The following RAB19 variants were observed in gnomAD, a reference collection of about 807,000 sequenced individuals.
The protein encoded by RAB19 is RAB19, member RAS oncogene family.
In RAB19, 21 loss-of-function variants were observed where a neutral mutation model predicts 17.3. The ratio of observed to expected loss-of-function variants is 1.21; its 90% confidence interval spans 0.86 to 1.74. RAB19 has a LOEUF of 1.74. RAB19 is among the 40% of genes most tolerant of loss of function. The pLI, the probability that RAB19 is intolerant of heterozygous loss-of-function variation, is 0.00. For synonymous variants in RAB19, 126 were observed against 110.4 expected (o/e 1.14, Z -0.88); for missense variants, 277 against 286.8 (o/e 0.97, Z 0.25).
chr7:140,425,997 C>T lies in RAB19; in HGVS notation c.501C>T (p.Asn167=), dbSNP rs757521106. The change falls in exon 4 of 4, where the codon AAC becomes AAT. Residue 167 remains asparagine (N), a synonymous_variant. Coordinates refer to ENST00000537763, the MANE Select transcript of RAB19 (RefSeq NM_001008749.3). ...VLETSAKESK[N]IEEVFVLMAK... is the part of the protein sequence containing the mutation. ...AGACATCTGCCAAGGAGTCAAAGAA[C>T]ATAGAAGAAGTCTTCGTGCTCATGG... The T allele has an allele frequency of 6.2e-7, 1 of 1,614,176 alleles. No homozygotes were observed. Among genetic ancestry groups the T allele is most frequent in the South Asian group, 1.1e-5 (1 of 91,084 alleles).
chr7:140,422,760 C>T (rs1010952951), intron 3 of RAB19, among the ~76,000 whole-genome samples: 1 of 152,110 alleles, frequency 6.6e-6, no homozygotes, highest in African/African-American at 2.4e-5. Context: ...GAGCTATGAT[C>T]ATGCTACTGC....
chr7:140,420,951 G>A (rs1799551389), intron 3 of RAB19, among the ~76,000 whole-genome samples: 1 of 151,774 alleles, frequency 6.6e-6, no homozygotes, highest in African/African-American at 2.4e-5. Context: ...GGAGTGCAGT[G>A]GCGCGATATT....
At chr7:140,409,184 T>G (rs1218179342) in intron 2 of RAB19, among the ~76,000 whole-genome samples, 10 of 143,356 alleles carry the variant, frequency 7.0e-5, no homozygotes, top group East Asian at 6.6e-4. Context: ...GCCAACATGG[T>G]GAAACCCTGT....
At chr7:140,425,511 G>A (rs1799648239) in intron 3 of RAB19, among the ~76,000 whole-genome samples, 1 of 151,942 alleles carries the variant, frequency 6.6e-6, no homozygotes, top group East Asian at 1.9e-4. Flanking sequence ...GATCACCTGA[G>A]GTCAGGAGTA....
chr7:140,418,396 CAAAAAAAAAAAA>C (rs140238398), intron 3 of RAB19, among the ~76,000 whole-genome samples: 12 of 70,372 alleles, frequency 1.7e-4, no homozygotes, highest in Admixed American at 5.4e-4. Context: ...TGCTAAAATA[CAAAAAAAAAAAA>C]AAAAAAAAAA....
chr7:140,412,609 C>T (rs112927230), intron 3 of RAB19, among the ~76,000 whole-genome samples: 5,104 of 151,040 alleles, frequency 0.034, 272 homozygotes, highest in African/African-American at 0.12. Context: ...CTGAAGTGAT[C>T]CCCCTGCCTG....
In RAB19 at chr7:140,425,952, C is replaced by T. The variant is rs890924639; in HGVS notation, c.456C>T (p.Tyr152=). 1.2e-5 allele frequency: 19 copies of T among 1,614,034 alleles called. No homozygotes were observed. Among genetic ancestry groups the T allele is most frequent in the East Asian group, 6.7e-5 (3 of 44,882 alleles). The change falls in exon 4 of 4, where the codon TAC becomes TAT. Residue 152 remains tyrosine (Y), a synonymous_variant. Coordinates refer to ENST00000537763, the MANE Select transcript of RAB19 (RefSeq NM_001008749.3). ...FEDACTLAEK[Y]GLLAVLETSA... The stretch of plus-strand genomic sequence containing the variant: ...ATGCCTGCACACTGGCTGAGAAGTA[C>T]GGCCTCCTGGCCGTTTTGGAGACAT...
At chr7:140,420,598 C>T (rs1432628467) in intron 3 of RAB19, among the ~76,000 whole-genome samples, 1 of 151,974 alleles carries the variant, frequency 6.6e-6, no homozygotes, top group African/African-American at 2.4e-5. Flanking sequence ...GTGGGGTGCT[C>T]AAAAGCCAAG....
At chr7:140,425,596 T>C (rs898232012) in intron 3 of RAB19, among the ~76,000 whole-genome samples, 1 of 151,388 alleles carries the variant, frequency 6.6e-6, no homozygotes, top group Non-Finnish European at 1.5e-5. Flanking sequence ...TGGTGGCAGG[T>C]GCCTGTAATT....
intron 3 of RAB19, among the ~76,000 whole-genome samples, chr7:140,420,809 A>G (rs1799548446): frequency 6.6e-6 from 1 of 152,212 alleles, no homozygotes. Flanking sequence ...TGCAAACATC[A>G]TCTTCCACCC....
chr7:140,415,008 G>C (rs1799429821), intron 3 of RAB19, among the ~76,000 whole-genome samples: 1 of 151,908 alleles, frequency 6.6e-6, no homozygotes, highest in Admixed American at 6.6e-5. Context: ...TTCTGGGGGT[G>C]TCTGGCTTCC....
At position 140,407,915 on chromosome 7, in the gene RAB19, C is replaced by T. The variant is rs545592475; in HGVS notation, c.201+68C>T. On this transcript the variant is annotated intron_variant, in intron 2 of 3. Transcript: ENST00000537763. ...TTTTTTTTTTTTTTTTTCCTTGAGA[C>T]GGAGTCTCGCGCGATCTCGGCTCAC... The T allele has an allele frequency of 2.5e-4, 271 of 1,103,736 alleles. 2 individuals are homozygous for T. The South Asian group carries it at 3.4e-3, about 14-fold the overall frequency. 68.4% of individuals were successfully genotyped at this position (1,103,736 alleles called of 1,614,324 possible).
At position 140,426,009 on chromosome 7, in the gene RAB19, C is replaced by G. The variant is rs778646799; in HGVS notation, c.513C>G (p.Val171=). 3 of 1,614,148 alleles carry G rather than the reference C, an allele frequency of 1.9e-6. No homozygotes were observed. In the South Asian group the frequency reaches 3.3e-5, roughly 18 times the overall value. Residue 171 remains valine (V), a synonymous_variant, in exon 4 of 4, where the codon GTC becomes GTG. Coordinates refer to ENST00000537763, the MANE Select transcript of RAB19 (RefSeq NM_001008749.3). ...AGGAGTCAAAGAACATAGAAGAAGT[C>G]TTCGTGCTCATGGCCAAGGAGCTGA... ...SAKESKNIEE[V]FVLMAKELIA...
chr7:140,415,867 T>C (rs1421777483), intron 3 of RAB19, among the ~76,000 whole-genome samples: 2 of 151,282 alleles, frequency 1.3e-5, no homozygotes, highest in Admixed American at 6.6e-5. Context: ...ATCACACCAG[T>C]GCACTCCAAC....
At chr7:140,408,999 A>G (rs1010239444) in intron 2 of RAB19, among the ~76,000 whole-genome samples, 2 of 152,110 alleles carry the variant, frequency 1.3e-5, no homozygotes, top group Non-Finnish European at 2.9e-5. Flanking sequence ...GGCTCAAACA[A>G]TCCTCCCACT....
intron 2 of RAB19, among the ~76,000 whole-genome samples, chr7:140,410,313 C>CTTTTTTGTTTTTTTTTT (rs1799331555): frequency 1.2e-5 from 1 of 81,038 alleles, no homozygotes; most frequent in Non-Finnish European, 2.1e-5. Flanking sequence ...TTGTATTTTT[C>CTTTTTTGTTTTTTTTTT]TTTTTTTTTT....
At chr7:140,406,607 C>G (rs1799245358) in intron 1 of RAB19, among the ~76,000 whole-genome samples, 1 of 151,392 alleles carries the variant, frequency 6.6e-6, no homozygotes, top group Non-Finnish European at 1.5e-5. Context: ...CCATTGCACT[C>G]CAGCCTGGGC....
intron 3 of RAB19, among the ~76,000 whole-genome samples, chr7:140,417,642 C>T (rs977785063): frequency 1.2e-4 from 19 of 152,246 alleles, no homozygotes; most frequent in African/African-American, 3.4e-4. Flanking sequence ...CCAACTGCCA[C>T]GAGCTGGGGG....
intron 3 of RAB19, among the ~76,000 whole-genome samples, chr7:140,417,235 C>CA (rs36052693): frequency 0.094 from 10,942 of 116,602 alleles, 612 homozygotes; most frequent in Admixed American, 0.13. Flanking sequence ...GACTCTGTCT[C>CA]AAAAAAAAAA....
Sources: gnomAD v4.1 joint callset for allele counts (sites outside exome capture counted in the v4.1 genomes callset) on GRCh38, gnomAD v4.1.1 for gene constraint, MANE v1.5 for transcripts, NCBI Gene and HGNC (gene_info 2026-07-23, HGNC 2026-07-21) for gene names.